Variants in TEAD1 observed in about 807,000 individuals in gnomAD.
TEAD1 encodes TEA domain transcription factor 1.
A neutral mutation model predicts 54.9 loss-of-function variants in TEAD1; 9 were observed. The ratio of observed to expected loss-of-function variants is 0.16; its 90% CI spans 0.10 to 0.29. The LOEUF (loss-of-function observed/expected upper bound fraction) is 0.29, where lower values mean the gene tolerates loss of function less well. Ranked by LOEUF, TEAD1 falls within the 10% of genes least tolerant of loss-of-function variation. TEAD1 has a pLI of 1.00. For synonymous variants in TEAD1, 200 were observed against 187.8 expected (o/e 1.07, Z -0.53); for missense variants, 387 against 535.9 (o/e 0.72, Z 2.74).
At chr11:12,712,016 C>T (rs1943948543) in intron 2 of TEAD1, among the ~76,000 whole-genome samples, 1 of 152,210 alleles carries the variant, frequency 6.6e-6, no homozygotes, top group African/African-American at 2.4e-5. Flanking sequence ...GAAAGCTCCT[C>T]AGTCCAGTCC....
At chr11:12,741,261 CTCT>C (rs1455589856) in intron 2 of TEAD1, among the ~76,000 whole-genome samples, 25 of 151,596 alleles carry the variant, frequency 1.6e-4, no homozygotes, top group Middle Eastern at 3.4e-3. Context: ...TTAAGTCATT[CTCT>C]TCTTCATCAT....
At chr11:12,687,771 T>C (rs1356867796) in intron 2 of TEAD1, among the ~76,000 whole-genome samples, 2 of 152,176 alleles carry the variant, frequency 1.3e-5, no homozygotes, top group African/African-American at 2.4e-5. Context: ...AGATTACTTA[T>C]CCTGCCCCAT....
intron 2 of TEAD1, among the ~76,000 whole-genome samples, chr11:12,742,767 G>C (rs904391465): frequency 2.6e-5 from 4 of 152,122 alleles, no homozygotes; most frequent in African/African-American, 9.7e-5. Flanking sequence ...TCCTCACATA[G>C]TGTCAAGTAA....
chr11:12,890,593 A>G (rs1313805807), intron 9 of TEAD1, among the ~76,000 whole-genome samples: 1 of 152,176 alleles, frequency 6.6e-6, no homozygotes, highest in Non-Finnish European at 1.5e-5. Flanking sequence ...TGTGATGATT[A>G]CATTTAGTAA....
At chr11:12,842,055 G>A (rs1031241378) in intron 3 of TEAD1, among the ~76,000 whole-genome samples, 1 of 151,798 alleles carries the variant, frequency 6.6e-6, no homozygotes, top group African/African-American at 2.4e-5. Context: ...CATTTCCACA[G>A]AGCAGAGGAA....
Position 12,895,892 on chromosome 11 carries a change from CATAGA to C in TEAD1, c.700-6046_700-6042del, listed in dbSNP as rs147748129. 2.3e-3 allele frequency among the ~76,000 whole-genome samples: 344 copies of C among 152,218 alleles called. 3 individuals carry two copies. Among genetic ancestry groups the C allele is most frequent in the African/African-American group, 7.8e-3 (322 of 41,514 alleles). Reference sequence around the variant, plus strand: ...TAGGCATCATCTGTTGACTTCTTAACATAGAAGACTACGATTTAGTTCTCTAAATT... The same window carrying C: ...TAGGCATCATCTGTTGACTTCTTAACAGACTACGATTTAGTTCTCTAAATT... On this transcript the variant is annotated intron_variant, in intron 9 of 12. Transcript: ENST00000527636.
At chr11:12,766,742 G>A (rs1200153015) in intron 3 of TEAD1, among the ~76,000 whole-genome samples, 1 of 152,200 alleles carries the variant, frequency 6.6e-6, no homozygotes, top group Non-Finnish European at 1.5e-5. Flanking sequence ...TTTAGTGACC[G>A]TGTTGGTGGC....
In TEAD1 at chr11:12,925,069, A is replaced by G. The variant is rs1330264393; in HGVS notation, c.1014+17A>G. The G allele has an allele frequency of 1.2e-5, 19 of 1,613,760 alleles. No individual in the cohort carries two copies. In the South Asian group the frequency reaches 1.4e-4, roughly 12 times the overall value. ...AAAGTAGAGGTAAGTTGGCCTCTGTATACTGGAAACTTCATTCAAGGGCAG... is the reference window on the plus strand; with the variant it reads ...AAAGTAGAGGTAAGTTGGCCTCTGTGTACTGGAAACTTCATTCAAGGGCAG... On this transcript the variant is annotated intron_variant, in intron 11 of 12. Coordinates refer to ENST00000527636, the MANE Select transcript of TEAD1 (RefSeq NM_021961.6).
At chr11:12,722,043 C>T (rs983119357) in intron 2 of TEAD1, among the ~76,000 whole-genome samples, 2 of 152,188 alleles carry the variant, frequency 1.3e-5, no homozygotes, top group African/African-American at 4.8e-5. Context: ...GAGCTTTTAG[C>T]CTGCAGTGCA....
At chr11:12,830,566 C>G (rs1357991992) in intron 3 of TEAD1, among the ~76,000 whole-genome samples, 1 of 152,088 alleles carries the variant, frequency 6.6e-6, no homozygotes, top group Non-Finnish European at 1.5e-5. Flanking sequence ...ACGACACAGC[C>G]CAGCCCCTTT....
At chr11:12,720,956 C>G (rs1944183203) in intron 2 of TEAD1, among the ~76,000 whole-genome samples, 1 of 152,224 alleles carries the variant, frequency 6.6e-6, no homozygotes, top group South Asian at 2.1e-4. Context: ...GTTAACTCAT[C>G]CAGCACCTTC....
intron 3 of TEAD1, among the ~76,000 whole-genome samples, chr11:12,852,734 C>T (rs146152772): frequency 0.025 from 3,817 of 152,080 alleles, 181 homozygotes; most frequent in African/African-American, 0.085. Context: ...AGGCATGAGC[C>T]ACCATGCCTG....
intron 2 of TEAD1, among the ~76,000 whole-genome samples, chr11:12,736,409 A>G (rs1944532580): frequency 6.6e-6 from 1 of 152,236 alleles, no homozygotes; most frequent in African/African-American, 2.4e-5. Context: ...TAAAGAAAAA[A>G]TAGGGATTTA....
At chr11:12,686,827 C>T (rs369981069) in intron 2 of TEAD1, among the ~76,000 whole-genome samples, 2 of 152,196 alleles carry the variant, frequency 1.3e-5, no homozygotes, top group East Asian at 1.9e-4. Flanking sequence ...TGCTCAGTTC[C>T]TGGTGGTTCT....
chr11:12,788,520 T>A (rs919951494), intron 3 of TEAD1, among the ~76,000 whole-genome samples: 2 of 152,222 alleles, frequency 1.3e-5, no homozygotes, highest in Non-Finnish European at 2.9e-5. Flanking sequence ...TTAACAGATT[T>A]GTAAATTTTT....
intron 2 of TEAD1, among the ~76,000 whole-genome samples, chr11:12,731,326 AACT>A (rs1944420511): frequency 6.6e-6 from 1 of 152,220 alleles, no homozygotes; most frequent in Non-Finnish European, 1.5e-5. Context: ...GAGAAGCAAA[AACT>A]AAAATTTAGA....
intron 9 of TEAD1, among the ~76,000 whole-genome samples, chr11:12,892,135 C>T (rs1465908813): frequency 1.3e-5 from 2 of 152,168 alleles, no homozygotes; most frequent in African/African-American, 2.4e-5. Flanking sequence ...AACGTGGGCC[C>T]AAGGATGATT....
chr11:12,866,716 C>G (rs1947625272), intron 5 of TEAD1, among the ~76,000 whole-genome samples: 1 of 152,190 alleles, frequency 6.6e-6, no homozygotes, highest in Non-Finnish European at 1.5e-5. Context: ...AGAACCACCT[C>G]CGTCTTCTTG....
At chr11:12,679,395 C>A (rs1943168061) in intron 2 of TEAD1, among the ~76,000 whole-genome samples, 1 of 152,104 alleles carries the variant, frequency 6.6e-6, no homozygotes, top group Non-Finnish European at 1.5e-5. Flanking sequence ...AAAAAGCTGG[C>A]TTATTGATGA....
Sources: allele counts gnomAD v4.1 joint callset (sites outside exome capture counted in the v4.1 genomes callset), GRCh38; gene constraint gnomAD v4.1.1; transcripts MANE v1.5; gene names NCBI Gene and HGNC (gene_info 2026-07-23, HGNC 2026-07-21).